KLF12: variants seen among roughly 807,000 people sequenced by gnomAD.
The protein encoded by KLF12 is Krueppel-like factor 12.
A neutral mutation model predicts 37.8 loss-of-function variants in KLF12; 9 were observed. The ratio of observed to expected loss-of-function variants is 0.24; its 90% CI spans 0.14 to 0.42. The LOEUF (loss-of-function observed/expected upper bound fraction) is 0.42. KLF12 is among the 10% of genes least tolerant of loss of function. The pLI is 1.00. For missense variants in KLF12, 411 were observed against 516.0 expected (o/e 0.80, Z 1.97); for synonymous variants, 208 against 202.1 (o/e 1.03, Z -0.25).
At chr13:73,955,501 G>A (rs1222915013) in intron 2 of KLF12, among the ~76,000 whole-genome samples, 3 of 152,134 alleles carry the variant, frequency 2.0e-5, no homozygotes, top group Non-Finnish European at 4.4e-5. Flanking sequence ...TGTACACACC[G>A]ATTACACAGA....
the KLF12 span, among the ~76,000 whole-genome samples, chr13:74,141,292 A>G: frequency 1.9e-4 from 29 of 152,206 alleles, 1 homozygote; most frequent in Admixed American, 1.9e-3. Context: ...TAGTTTTGAT[A>G]GATTTGAGAG....
In KLF12 at chr13:74,009,547, C is replaced by T. The variant is rs562068392; in HGVS notation, c.-31-14494G>A. ...TGTGAGCTAGATGGAAGTGCTATGC[C>T]GGATTGTTCTGTAGGCAGCAGTCAG... is the stretch of plus-strand genomic sequence containing the variant. On this transcript the variant is annotated intron_variant, in intron 1 of 7. Coordinates refer to ENST00000377669, the MANE Select transcript of KLF12 (RefSeq NM_007249.5). 1.4e-4 allele frequency among the ~76,000 whole-genome samples: 21 copies of T among 152,192 alleles called. 1 individual carries two copies. The highest frequency in any genetic ancestry group is 1.2e-3 in the Admixed American group (18 of 15,292).
chr13:74,197,898 G>A, the KLF12 span, among the ~76,000 whole-genome samples: 1 of 152,040 alleles, frequency 6.6e-6, no homozygotes, highest in East Asian at 1.9e-4. Flanking sequence ...AACAAAGAGG[G>A]CATTGATCAG....
At chr13:73,716,028 G>A (rs1593996905) in intron 6 of KLF12, among the ~76,000 whole-genome samples, 1 of 152,182 alleles carries the variant, frequency 6.6e-6, no homozygotes, top group East Asian at 1.9e-4. Context: ...CAGGCTGAAA[G>A]AAATGACATC....
At chr13:74,299,647 C>CTTTTT in the KLF12 span, among the ~76,000 whole-genome samples, 2 of 152,134 alleles carry the variant, frequency 1.3e-5, no homozygotes, top group African/African-American at 4.8e-5. Context: ...GCTAATAAGA[C>CTTTTT]ATATTTTTTG....
At chr13:73,998,777 C>T (rs1163658182) in intron 1 of KLF12, among the ~76,000 whole-genome samples, 1 of 152,216 alleles carries the variant, frequency 6.6e-6, no homozygotes, top group Non-Finnish European at 1.5e-5. Context: ...TCTGTTTCAT[C>T]TGTCACAGTG....
chr13:74,227,622 C>T, the KLF12 span, among the ~76,000 whole-genome samples: 5 of 152,072 alleles, frequency 3.3e-5, no homozygotes, highest in Non-Finnish European at 5.9e-5. Context: ...CATACATAGG[C>T]TTAGCAAACA....
chr13:74,247,811 C>T, the KLF12 span, among the ~76,000 whole-genome samples: 8 of 151,936 alleles, frequency 5.3e-5, no homozygotes, highest in African/African-American at 1.4e-4. Context: ...TTTTCATGTC[C>T]GTGAGATGTA....
At chr13:74,032,008 T>C (rs1423335093) in intron 1 of KLF12, among the ~76,000 whole-genome samples, 2 of 152,134 alleles carry the variant, frequency 1.3e-5, no homozygotes, top group East Asian at 1.9e-4. Context: ...CTACACCATG[T>C]CCAAAGCCCC....
chr13:73,837,357 C>T (rs1034661139), intron 4 of KLF12, among the ~76,000 whole-genome samples: 2 of 152,144 alleles, frequency 1.3e-5, no homozygotes, highest in Non-Finnish European at 2.9e-5. Flanking sequence ...GCAGCGAAAT[C>T]GACAGATTGT....
At chr13:73,928,844 A>G (rs1889530266) in intron 3 of KLF12, among the ~76,000 whole-genome samples, 1 of 152,192 alleles carries the variant, frequency 6.6e-6, no homozygotes, top group South Asian at 2.1e-4. Context: ...TCATTGGTAA[A>G]GTGGCAATGA....
intron 6 of KLF12, among the ~76,000 whole-genome samples, chr13:73,721,308 C>T (rs1876226168): frequency 6.6e-6 from 1 of 152,104 alleles, no homozygotes; most frequent in Admixed American, 6.5e-5. Context: ...ACAGGTATTA[C>T]AAACCAACAT....
chr13:74,034,042 C>T (rs1420777154), intron 1 of KLF12, among the ~76,000 whole-genome samples: 1 of 151,168 alleles, frequency 6.6e-6, no homozygotes, highest in East Asian at 1.9e-4. Context: ...TGGTCATTTA[C>T]GCATTCACTT....
intron 1 of KLF12, among the ~76,000 whole-genome samples, chr13:74,071,651 C>T (rs750673639): frequency 6.6e-6 from 1 of 152,160 alleles, no homozygotes; most frequent in Admixed American, 6.5e-5. Context: ...CAAGATCGCA[C>T]CACTGCACTC....
chr13:73,945,239 C>T (rs531765536), intron 2 of KLF12, among the ~76,000 whole-genome samples: 3 of 152,236 alleles, frequency 2.0e-5, no homozygotes, highest in East Asian at 1.9e-4. Context: ...GAGGCTGAGG[C>T]GGGTGGATCA....
At chr13:73,820,356 T>A (rs1212302427) in intron 4 of KLF12, among the ~76,000 whole-genome samples, 1 of 152,250 alleles carries the variant, frequency 6.6e-6, no homozygotes, top group Non-Finnish European at 1.5e-5. Flanking sequence ...AGTGATATTC[T>A]GACTTCATTT....
At chr13:73,832,098 T>A (rs957938339) in intron 4 of KLF12, among the ~76,000 whole-genome samples, 1 of 152,182 alleles carries the variant, frequency 6.6e-6, no homozygotes, top group African/African-American at 2.4e-5. Context: ...ATAAGTAACA[T>A]AGAGTACATG....
At chr13:73,773,472 C>T (rs1380676631) in intron 5 of KLF12, among the ~76,000 whole-genome samples, 3 of 152,160 alleles carry the variant, frequency 2.0e-5, no homozygotes, top group Non-Finnish European at 4.4e-5. Flanking sequence ...CAGTCATTAA[C>T]ACCAGTATCA....
At chr13:74,265,848 TA>T in the KLF12 span, among the ~76,000 whole-genome samples, 1 of 152,180 alleles carries the variant, frequency 6.6e-6, no homozygotes, top group African/African-American at 2.4e-5. Context: ...CCTTCCTTAC[TA>T]AAAGAAAAAC....
Sources: gnomAD v4.1 joint callset for allele counts (sites outside exome capture counted in the v4.1 genomes callset) on GRCh38, gnomAD v4.1.1 for gene constraint, MANE v1.5 for transcripts, NCBI Gene and HGNC (gene_info 2026-07-23, HGNC 2026-07-21) for gene names.